MTG1: variants seen among roughly 807,000 people sequenced by gnomAD.
MTG1 encodes mitochondrial ribosome associated GTPase 1.
In MTG1, 30 loss-of-function variants were observed where a neutral mutation model predicts 39.5. That is an observed-to-expected ratio of 0.76 (90% confidence interval 0.57 to 1.03). MTG1 has a LOEUF of 1.03. Ranked by LOEUF, MTG1 falls within the 50% of genes least tolerant of loss-of-function variation. MTG1 has a pLI of 0.00. For missense variants in MTG1, 513 were observed against 447.4 expected (o/e 1.15, Z -1.32); for synonymous variants, 217 against 179.0 (o/e 1.21, Z -1.69).
chr10:133,415,053 G>T (rs1589918232), intron 9 of MTG1, among the ~76,000 whole-genome samples: 1 of 152,262 alleles, frequency 6.6e-6, no homozygotes, highest in Non-Finnish European at 1.5e-5. Context: ...GCAATTGGAG[G>T]CACTCGGCAG....
At chr10:133,401,449 T>G in intron 6 of MTG1, 80 bp from the exon 7 acceptor site, 1 of 1,256,092 alleles carries the variant, frequency 8.0e-7, no homozygotes, top group Non-Finnish European at 1.1e-6. Flanking sequence ...CAGATGTGTT[T>G]GTTACATACG....
Position 133,394,164 on chromosome 10 carries a change from G to T in MTG1, c.-57G>T, listed in dbSNP as rs1415549621. The T allele has an allele frequency of 5.2e-5, 70 of 1,348,744 alleles. No homozygotes were observed. The highest frequency in any genetic ancestry group is 6.9e-5 in the Non-Finnish European group (69 of 1,002,588). 83.5% of individuals were successfully genotyped at this position (1,348,744 alleles called of 1,614,324 possible). ...CCGCAGCGCCGGAACCTCAGAGGCG[G>T]GTCGCAGCGGCGCAGAGGAGGTCAG... is the stretch of plus-strand genomic sequence containing the variant. On this transcript the variant is annotated 5_prime_UTR_variant, in exon 1 of 11. Transcript: ENST00000317502.
intron 9 of MTG1, among the ~76,000 whole-genome samples, chr10:133,418,541 A>C (rs960315854): frequency 3.3e-5 from 5 of 151,288 alleles, no homozygotes; most frequent in African/African-American, 9.7e-5. Context: ...GCTGATTCAG[A>C]GCTCATGCTT....
intron 9 of MTG1, among the ~76,000 whole-genome samples, chr10:133,415,669 C>T (rs907520925): frequency 3.9e-5 from 6 of 152,212 alleles, no homozygotes; most frequent in Admixed American, 2.0e-4. Context: ...AACTTGATTA[C>T]GATGGACCTT....
Position 133,401,603 on chromosome 10 carries a change from G to C in MTG1, c.573+13G>C. On this transcript the variant is annotated intron_variant, in intron 7 of 10. Coordinates refer to ENST00000317502, the MANE Select transcript of MTG1 (RefSeq NM_138384.4). Reference sequence around the variant, plus strand: ...GTCCAAAATTCAGGTGGAGTCCTCAGGGGCCAGGCCCAGCACTCTGTCAAG... The same window carrying C: ...GTCCAAAATTCAGGTGGAGTCCTCACGGGCCAGGCCCAGCACTCTGTCAAG... 1 of 1,613,638 alleles carries C rather than the reference G, an allele frequency of 6.2e-7. No homozygotes were observed. The highest frequency in any genetic ancestry group is 8.5e-7 in the Non-Finnish European group (1 of 1,179,766).
intron 7 of MTG1, chr10:133,401,896 C>T: frequency 4.9e-6 from 3 of 608,398 alleles, no homozygotes; most frequent in Non-Finnish European, 8.7e-6. Context: ...CCCTCCACTC[C>T]CTTCCTTGTG....
At position 133,420,246 on chromosome 10, in the gene MTG1, C is replaced by A; in HGVS notation, c.*81C>A. On this transcript the variant is annotated 3_prime_UTR_variant, in exon 11 of 11. Coordinates refer to ENST00000317502, the MANE Select transcript of MTG1 (RefSeq NM_138384.4). ...GGTGGTTGAGGCTCAAGACAGCTCA[C>A]CCGGTCCAGAAGCTCCATGCTGGTC... The A allele has an allele frequency of 6.8e-7, 1 of 1,478,174 alleles. No homozygotes were observed. The highest frequency in any genetic ancestry group is 9.0e-7 in the Non-Finnish European group (1 of 1,108,314). 91.6% of individuals were successfully genotyped at this position (1,478,174 alleles called of 1,614,324 possible). A position where few individuals can be genotyped will look rare whatever the true frequency, so the allele number is the denominator to read the frequency against.
chr10:133,410,740 T>G (rs894240976), intron 9 of MTG1, among the ~76,000 whole-genome samples: 1 of 152,208 alleles, frequency 6.6e-6, no homozygotes, highest in African/African-American at 2.4e-5. Context: ...CCATCGCACT[T>G]CAGCCTGGGT....
intron 9 of MTG1, among the ~76,000 whole-genome samples, chr10:133,407,291 A>G (rs1322810090): frequency 1.3e-5 from 2 of 152,206 alleles, no homozygotes; most frequent in Non-Finnish European, 1.5e-5. Context: ...TAGTGGTGCC[A>G]TACAAATTTT....
rs751073055 is a variant in MTG1, at chr10:133,401,084, C to T, written c.512-445C>T. Among the ~76,000 whole-genome samples, 4 of 152,194 alleles carry T rather than the reference C, an allele frequency of 2.6e-5. No homozygotes were observed. The South Asian group carries it at 6.2e-4, about 24-fold the overall frequency. ...TGAGCTGGGTCCTAGAGCAGCCAGTCGCCTGTGGACAGTGCTGTGGGAGGC... is the reference window on the plus strand; with the variant it reads ...TGAGCTGGGTCCTAGAGCAGCCAGTTGCCTGTGGACAGTGCTGTGGGAGGC... On this transcript the variant is annotated intron_variant, in intron 6 of 10. Coordinates refer to ENST00000317502, the MANE Select transcript of MTG1 (RefSeq NM_138384.4).
intron 3 of MTG1, among the ~76,000 whole-genome samples, chr10:133,397,440 A>C (rs1045172372): frequency 7.0e-5 from 10 of 142,820 alleles, no homozygotes; most frequent in South Asian, 2.4e-4. Context: ...TCCCCCAGGC[A>C]CAGCTGTCTT....
At chr10:133,397,855 G>T (rs538267707) in intron 3 of MTG1, among the ~76,000 whole-genome samples, 2 of 150,386 alleles carry the variant, frequency 1.3e-5, no homozygotes, top group Admixed American at 1.3e-4. Flanking sequence ...GGCAACTCCT[G>T]CCTTTGAAAA....
intron 9 of MTG1, among the ~76,000 whole-genome samples, chr10:133,410,713 A>G (rs1476573818): frequency 1.3e-5 from 2 of 152,242 alleles, no homozygotes; most frequent in Non-Finnish European, 2.9e-5. Flanking sequence ...TTGAGGCTGC[A>G]GTGAGCTATG....
Position 133,402,744 on chromosome 10 carries a change from G to C in MTG1, c.723G>C (p.Leu241=). 1 of 1,608,146 alleles carries C rather than the reference G, an allele frequency of 6.2e-7. No homozygotes were observed. ...VGEETMADYL[L]YTLNKHQRFG... ...AGGAGACCATGGCTGACTACCTGCT[G>C]TACACCCTCAACAAACACCAGCGCT... Residue 241 remains leucine (L), a synonymous_variant, in exon 9 of 11, where the codon CTG becomes CTC. Coordinates refer to ENST00000317502, the MANE Select transcript of MTG1 (RefSeq NM_138384.4). The surrounding 1 kb of genome is among the most constrained non-coding windows in gnomAD (Gnocchi z 4.7).
intron 9 of MTG1, among the ~76,000 whole-genome samples, chr10:133,415,038 C>A (rs892855085): frequency 2.6e-5 from 4 of 152,192 alleles, no homozygotes; most frequent in African/African-American, 7.2e-5. Context: ...TGGTGGCGCG[C>A]GCCTGCAATT....
intron 6 of MTG1, among the ~76,000 whole-genome samples, chr10:133,400,945 C>T (rs1252298146): frequency 1.3e-5 from 2 of 152,230 alleles, no homozygotes; most frequent in Non-Finnish European, 2.9e-5. Context: ...AGGCTGATCA[C>T]CCCGTTGTGT....
Position 133,394,194 on chromosome 10 carries a change from G to T in MTG1, c.-27G>T. 1 of 1,496,222 alleles carries T rather than the reference G, an allele frequency of 6.7e-7. No individual in the cohort carries two copies. 92.7% of individuals were successfully genotyped at this position (1,496,222 alleles called of 1,614,324 possible). Reference sequence around the variant, plus strand: ...CAGCGGCGCAGAGGAGGTCAGCTGCGGGAGCGTTTCCGGGGACGGTGCCGC... The same window carrying T: ...CAGCGGCGCAGAGGAGGTCAGCTGCTGGAGCGTTTCCGGGGACGGTGCCGC... On this transcript the variant is annotated 5_prime_UTR_variant, in exon 1 of 11. Transcript: ENST00000317502.
At chr10:133,405,688 A>C (rs116085637) in intron 9 of MTG1, among the ~76,000 whole-genome samples, 1 of 152,176 alleles carries the variant, frequency 6.6e-6, no homozygotes, top group African/African-American at 2.4e-5. Context: ...TGTTATGGCT[A>C]ATATTTCATT....
chr10:133,400,422 C>T (rs1849858630), intron 6 of MTG1, among the ~76,000 whole-genome samples: 1 of 152,240 alleles, frequency 6.6e-6, no homozygotes, highest in Non-Finnish European at 1.5e-5. Context: ...GAGCACCCTT[C>T]ACTGCCCCGT....
Sources: allele counts gnomAD v4.1 joint callset (sites outside exome capture counted in the v4.1 genomes callset), GRCh38; gene constraint gnomAD v4.1.1; non-coding constraint Gnocchi (gnomAD v3.1); transcripts MANE v1.5; gene names NCBI Gene and HGNC (gene_info 2026-07-23, HGNC 2026-07-21).